Variants in ATP6V0A1 observed in about 807,000 individuals in gnomAD.
ATP6V0A1 encodes ATPase H+ transporting V0 subunit a1, also known as V-type proton ATPase 116 kDa subunit a 1.
ATP6V0A1 carries 43 observed loss-of-function variants against 105.4 expected under a neutral mutation model. That is an observed-to-expected ratio of 0.41 (90% CI 0.32 to 0.53). The LOEUF (loss-of-function observed/expected upper bound fraction) is 0.53, where lower values mean the gene tolerates loss of function less well. Among genes scored for constraint, ATP6V0A1 ranks in the 20% least tolerant of loss-of-function variants. ATP6V0A1 has a pLI of 0.30. For missense variants in ATP6V0A1, 676 were observed against 1,051.1 expected, an observed-to-expected ratio of 0.64 and a Z score of 4.93; for synonymous variants, 362 against 372.8, an observed-to-expected ratio of 0.97 and a Z score of 0.33.
chr17:42,472,597 G>A (rs948794648), intron 5 of ATP6V0A1, among the ~76,000 whole-genome samples: 3 of 151,852 alleles, frequency 2.0e-5, no homozygotes, highest in Non-Finnish European at 2.9e-5. Flanking sequence ...GGTGGCGGGC[G>A]CCTATAATCC....
chr17:42,516,023 C>G (rs1264587466), intron 21 of ATP6V0A1, among the ~76,000 whole-genome samples: 1 of 152,066 alleles, frequency 6.6e-6, no homozygotes, highest in Non-Finnish European at 1.5e-5. Context: ...GGCCCCTCTC[C>G]CCAGAGGAGC....
At chr17:42,484,157 A>G (rs557694219) in intron 9 of ATP6V0A1, among the ~76,000 whole-genome samples, 150 of 152,182 alleles carry the variant, frequency 9.9e-4, no homozygotes, top group African/African-American at 3.5e-3. Context: ...TCCCGGGTTC[A>G]CGCCATTCTC....
chr17:42,480,433 C>T (rs1237460652), intron 7 of ATP6V0A1: 2 of 397,820 alleles, frequency 5.0e-6, no homozygotes, highest in South Asian at 3.5e-5. Context: ...GCTTCAAGCT[C>T]CTGGTTGAGT....
rs113174426 is a variant in ATP6V0A1 at position 42,506,821 on chromosome 17, G to A, written c.2005-699G>A. Among the ~76,000 whole-genome samples, 470 of 152,254 alleles carry A rather than the reference G, an allele frequency of 3.1e-3. 1 individual carries two copies. The highest frequency in any genetic ancestry group is 4.5e-3 in the Non-Finnish European group (308 of 68,028). On this transcript the variant is annotated intron_variant, in intron 17 of 21. Coordinates refer to ENST00000343619, the MANE Select transcript of ATP6V0A1 (RefSeq NM_001130021.3). ...AAAGACTGTGTTTGTGAACTCAGAAGAAGCAAATGCCCCATCAGCGTCTGC... is the reference window on the plus strand; with the variant it reads ...AAAGACTGTGTTTGTGAACTCAGAAAAAGCAAATGCCCCATCAGCGTCTGC...
At chr17:42,465,202 C>T (rs1211883854) in intron 2 of ATP6V0A1, among the ~76,000 whole-genome samples, 1 of 151,454 alleles carries the variant, frequency 6.6e-6, no homozygotes, top group African/African-American at 2.4e-5. Flanking sequence ...CCATGTTGTC[C>T]AGGCTGGTCT....
intron 14 of ATP6V0A1, 50 bp from the exon 15 acceptor site, chr17:42,498,874 C>G (rs746999187): frequency 8.0e-7 from 1 of 1,248,050 alleles, no homozygotes; most frequent in Admixed American, 2.0e-5. Flanking sequence ...GAATATTTTT[C>G]CCTTTGAGAA....
Position 42,500,896 on chromosome 17 carries a change from T to C in ATP6V0A1, c.1869T>C (p.Ser623=). The C allele has an allele frequency of 1.2e-6, 2 of 1,613,854 alleles. No homozygotes were observed. The highest frequency in any genetic ancestry group is 2.7e-5 in the African/African-American group (2 of 75,028). ...TGTTCCTCTTTTCCTACCCAGAGTCTGGTTATTCAATGTTGTATTCTGGAC... is the reference window on the plus strand; with the variant it reads ...TGTTCCTCTTTTCCTACCCAGAGTCCGGTTATTCAATGTTGTATTCTGGAC... ...INMFLFSYPE[S]GYSMLYSGQK... Residue 623 remains serine, a synonymous_variant, in exon 16 of 22, where the codon TCT becomes TCC. Transcript: ENST00000343619.
chr17:42,462,653 CTG>C, intron 2 of ATP6V0A1, among the ~76,000 whole-genome samples: 1 of 152,140 alleles, frequency 6.6e-6, no homozygotes, highest in Non-Finnish European at 1.5e-5. Flanking sequence ...CTTCTGACCT[CTG>C]GTGATCCACC....
In ATP6V0A1 at chr17:42,462,998, CTTTTTTT is replaced by C. The variant is rs35135162; in HGVS notation, c.117+2005_117+2011del. Among the ~76,000 whole-genome samples, 39 of 66,190 alleles carry C rather than the reference CTTTTTTT, an allele frequency of 5.9e-4. No individual in the cohort carries two copies. In the East Asian group the frequency reaches 0.018, roughly 31 times the overall value. The allele number at this position is 66,190 out of a possible 152,430, so 43.4% of individuals were successfully genotyped here. On this transcript the variant is annotated intron_variant, in intron 2 of 21. Coordinates refer to ENST00000343619, the MANE Select transcript of ATP6V0A1 (RefSeq NM_001130021.3). ...CCAGCACCCCAATCAGGATATGGAA[CTTTTTTT>C]TTTTTTTTTTTTTTTTTGGAGACAG...
At chr17:42,483,236 A>G in intron 9 of ATP6V0A1, 105 bp downstream of exon 9, 1 of 829,118 alleles carries the variant, frequency 1.2e-6, no homozygotes, top group Non-Finnish European at 1.7e-6. Context: ...GTAGCAAACC[A>G]GGATACCAAA....
chr17:42,494,609 C>G (rs1474696065), intron 12 of ATP6V0A1, 136 bp downstream of exon 12: 4 of 1,091,508 alleles, frequency 3.7e-6, no homozygotes, highest in Non-Finnish European at 5.1e-6. Context: ...CATTTTAACA[C>G]CAAAGACGAC....
intron 18 of ATP6V0A1, 71 bp from the exon 19 acceptor site, chr17:42,508,501 G>C: frequency 6.3e-7 from 1 of 1,591,328 alleles, no homozygotes; most frequent in Non-Finnish European, 8.6e-7. Context: ...GCATTCAGTA[G>C]CCTTGTGCTC....
intron 21 of ATP6V0A1, among the ~76,000 whole-genome samples, chr17:42,515,272 G>A (rs2092563253): frequency 6.6e-6 from 1 of 151,990 alleles, no homozygotes; most frequent in African/African-American, 2.4e-5. Flanking sequence ...TTCGAGACCA[G>A]CCTGGCCAAC....
intron 7 of ATP6V0A1, among the ~76,000 whole-genome samples, chr17:42,479,821 G>C (rs78344266): frequency 0.013 from 1,929 of 152,294 alleles, 27 homozygotes; most frequent in African/African-American, 0.045. Context: ...CTTTTCTCAG[G>C]AATATTCAGT....
At chr17:42,462,937 A>T (rs1032185610) in intron 2 of ATP6V0A1, among the ~76,000 whole-genome samples, 11 of 149,870 alleles carry the variant, frequency 7.3e-5, no homozygotes, top group African/African-American at 2.7e-4. Flanking sequence ...TTAAGAGTAC[A>T]ATTTGCTGAA....
At chr17:42,470,791 C>A in intron 5 of ATP6V0A1, 1 of 153,778 alleles carries the variant, frequency 6.5e-6, no homozygotes, top group Non-Finnish European at 1.4e-5. Flanking sequence ...AGACGCATTA[C>A]CTCAGAGGGA....
At chr17:42,485,595 C>G (rs1007610635) in intron 9 of ATP6V0A1, among the ~76,000 whole-genome samples, 3 of 152,168 alleles carry the variant, frequency 2.0e-5, no homozygotes, top group Admixed American at 2.0e-4. Flanking sequence ...CACTCTGTCA[C>G]CCAGGCTGGA....
rs535791868 is a variant in ATP6V0A1 at position 42,490,003 on chromosome 17, G to C, written c.1024-484G>C. Among the ~76,000 whole-genome samples the C allele has an allele frequency of 3.3e-5, 5 of 152,340 alleles. No individual in the cohort carries two copies. The South Asian group carries it at 8.3e-4, about 25-fold the overall frequency. ...GATCTCCAATGTCAGGGGCGTGCATGGGGGAGAGAAGCTCTTTGGTCAGGA... is the reference window on the plus strand; with the variant it reads ...GATCTCCAATGTCAGGGGCGTGCATCGGGGAGAGAAGCTCTTTGGTCAGGA... On this transcript the variant is annotated intron_variant, in intron 10 of 21. Coordinates refer to ENST00000343619, the MANE Select transcript of ATP6V0A1 (RefSeq NM_001130021.3).
At chr17:42,482,275 T>C (rs2089609973) in intron 8 of ATP6V0A1, among the ~76,000 whole-genome samples, 1 of 152,032 alleles carries the variant, frequency 6.6e-6, no homozygotes, top group Non-Finnish European at 1.5e-5. Flanking sequence ...GCCCCATGAG[T>C]AACTGGGACT....
Sources: allele counts gnomAD v4.1 joint callset (sites outside exome capture counted in the v4.1 genomes callset), GRCh38; gene constraint gnomAD v4.1.1; transcripts MANE v1.5; gene names NCBI Gene and HGNC (gene_info 2026-07-23, HGNC 2026-07-21).